Variants in DYNC1I1 observed in about 807,000 individuals in gnomAD.
The protein encoded by DYNC1I1 is cytoplasmic dynein 1 intermediate chain 1.
DYNC1I1 carries 43 observed loss-of-function variants against 86.6 expected under a neutral mutation model. The ratio of observed to expected loss-of-function variants is 0.50; its 90% CI spans 0.39 to 0.64. The LOEUF (loss-of-function observed/expected upper bound fraction) is 0.64, where lower values mean the gene tolerates loss of function less well. Among genes scored for constraint, DYNC1I1 ranks in the 30% least tolerant of loss-of-function variants. The pLI is 0.00. For synonymous variants in DYNC1I1, 262 were observed against 283.7 expected, an observed-to-expected ratio of 0.92 and a Z score of 0.77; for missense variants, 604 against 788.8, an observed-to-expected ratio of 0.77 and a Z score of 2.81.
chr7:96,048,154 C>T (rs1307741625), intron 14 of DYNC1I1, among the ~76,000 whole-genome samples: 1 of 151,924 alleles, frequency 6.6e-6, no homozygotes, highest in Non-Finnish European at 1.5e-5. Flanking sequence ...TGGGACAGGG[C>T]CCTGAACTGC....
intron 9 of DYNC1I1, among the ~76,000 whole-genome samples, chr7:95,992,534 G>A (rs546005812): frequency 1.8e-4 from 28 of 152,116 alleles, no homozygotes; most frequent in African/African-American, 6.7e-4. Context: ...TACCTTAGAG[G>A]GTTATGAGGA....
chr7:95,859,266 C>T (rs1264493977), intron 5 of DYNC1I1, among the ~76,000 whole-genome samples: 8 of 151,876 alleles, frequency 5.3e-5, no homozygotes, highest in Non-Finnish European at 2.9e-5. Context: ...TGCTAAGCAT[C>T]CTCAAAACAA....
At chr7:95,855,426 T>G (rs1789693095) in intron 5 of DYNC1I1, among the ~76,000 whole-genome samples, 1 of 152,204 alleles carries the variant, frequency 6.6e-6, no homozygotes, top group African/African-American at 2.4e-5. Flanking sequence ...GTAGCTTTGT[T>G]TGGATTGAAT....
intron 6 of DYNC1I1, among the ~76,000 whole-genome samples, chr7:95,946,198 T>C (rs1428649451): frequency 6.6e-6 from 1 of 151,958 alleles, no homozygotes; most frequent in Non-Finnish European, 1.5e-5. Flanking sequence ...CTAATGCATG[T>C]GGGGCTTAAT....
chr7:95,971,391 A>C (rs1055291311), intron 6 of DYNC1I1, among the ~76,000 whole-genome samples: 3 of 152,262 alleles, frequency 2.0e-5, no homozygotes, highest in Non-Finnish European at 4.4e-5. Context: ...AAAAATTTAA[A>C]AATATGTTAT....
At chr7:95,940,464 T>A (rs1413167163) in intron 6 of DYNC1I1, among the ~76,000 whole-genome samples, 10 of 152,246 alleles carry the variant, frequency 6.6e-5, no homozygotes, top group African/African-American at 1.9e-4. Flanking sequence ...TCTTTTCACA[T>A]AGTCCCATAT....
At chr7:96,038,069 G>A (rs147451580) in intron 13 of DYNC1I1, among the ~76,000 whole-genome samples, 4 of 152,152 alleles carry the variant, frequency 2.6e-5, no homozygotes, top group Admixed American at 1.3e-4. Flanking sequence ...TCAGTTCCTC[G>A]GGTTCATTAG....
chr7:96,016,790 A>G (rs1191424831), intron 10 of DYNC1I1, among the ~76,000 whole-genome samples: 1 of 152,124 alleles, frequency 6.6e-6, no homozygotes, highest in Non-Finnish European at 1.5e-5. Context: ...TTTGAATGCT[A>G]TATTTTCCCC....
intron 6 of DYNC1I1, among the ~76,000 whole-genome samples, chr7:95,924,162 T>C (rs1791681983): frequency 6.6e-6 from 1 of 152,188 alleles, no homozygotes; most frequent in Non-Finnish European, 1.5e-5. Context: ...GCTGGGTTTA[T>C]GAAATGAACA....
intron 5 of DYNC1I1, among the ~76,000 whole-genome samples, chr7:95,864,692 A>G (rs1789972945): frequency 6.6e-6 from 1 of 152,082 alleles, no homozygotes; most frequent in African/African-American, 2.4e-5. Flanking sequence ...GTTTCTTAAT[A>G]TTTTGTATAC....
intron 16 of DYNC1I1, among the ~76,000 whole-genome samples, chr7:96,095,029 A>C (rs1211446912): frequency 1.3e-5 from 2 of 152,168 alleles, no homozygotes; most frequent in Non-Finnish European, 2.9e-5. Flanking sequence ...CACTTTTATG[A>C]GGGTGAATCT....
intron 6 of DYNC1I1, among the ~76,000 whole-genome samples, chr7:95,889,346 A>G (rs1330852188): frequency 6.6e-6 from 1 of 152,190 alleles, no homozygotes; most frequent in Non-Finnish European, 1.5e-5. Flanking sequence ...TACCCCTTAT[A>G]GAAACGACTT....
chr7:96,003,709 G>C (rs1794071629), intron 10 of DYNC1I1, among the ~76,000 whole-genome samples: 1 of 152,026 alleles, frequency 6.6e-6, no homozygotes, highest in Non-Finnish European at 1.5e-5. Flanking sequence ...GCAGGAGTGG[G>C]CTGTAGTTGC....
chr7:95,952,462 T>C (rs1355021565), intron 6 of DYNC1I1, among the ~76,000 whole-genome samples: 1 of 152,158 alleles, frequency 6.6e-6, no homozygotes, highest in African/African-American at 2.4e-5. Context: ...GACTAAGACG[T>C]AGATTTAAGA....
intron 16 of DYNC1I1, 66 bp from the exon 17 acceptor site, chr7:96,097,417 A>T: frequency 6.3e-7 from 1 of 1,577,324 alleles, no homozygotes; most frequent in Non-Finnish European, 8.7e-7. Flanking sequence ...ACAGTCATTC[A>T]GGCTTCAAGG....
At chr7:95,971,168 G>A (rs1326430191) in intron 6 of DYNC1I1, among the ~76,000 whole-genome samples, 1 of 152,076 alleles carries the variant, frequency 6.6e-6, no homozygotes, top group African/African-American at 2.4e-5. Flanking sequence ...AACCTAGAAG[G>A]GATATCTTGG....
At chr7:96,032,569 A>C in intron 11 of DYNC1I1, 98 bp from the exon 12 acceptor site, 1 of 898,494 alleles carries the variant, frequency 1.1e-6, no homozygotes, top group Non-Finnish European at 1.7e-6. Context: ...GGATTATGTT[A>C]CTCTTTAATC....
intron 6 of DYNC1I1, among the ~76,000 whole-genome samples, chr7:95,966,105 A>G (rs912665964): frequency 2.0e-5 from 3 of 152,166 alleles, no homozygotes; most frequent in Non-Finnish European, 4.4e-5. Context: ...GTCCAATAGA[A>G]AAGAGGAGTC....
rs144057213 is a variant in DYNC1I1, at chr7:95,812,174, G to A, written c.224-1073G>A. Among the ~76,000 whole-genome samples, 264 of 152,246 alleles carry A rather than the reference G, an allele frequency of 1.7e-3. 1 individual carries two copies. Among genetic ancestry groups the A allele is most frequent in the African/African-American group, 6.0e-3 (249 of 41,554 alleles). On this transcript the variant is annotated intron_variant, in intron 3 of 16. Coordinates refer to ENST00000447467, the MANE Select transcript of DYNC1I1 (RefSeq NM_001135556.2). ...TCTGCCATTGTGTTATAGGATTTGG[G>A]TAAAACAGTTAAGCCCTTTACCCTA...
Sources: allele counts gnomAD v4.1 joint callset (sites outside exome capture counted in the v4.1 genomes callset), GRCh38; gene constraint gnomAD v4.1.1; transcripts MANE v1.5; gene names NCBI Gene and HGNC (gene_info 2026-07-23, HGNC 2026-07-21).